LINGO2: variants seen among roughly 807,000 people sequenced by gnomAD.
LINGO2 encodes leucine-rich repeat and immunoglobulin-like domain-containing nogo receptor-interacting protein 2.
In LINGO2, 14 loss-of-function variants were observed where a neutral mutation model predicts 30.6. The ratio of observed to expected loss-of-function variants is 0.46; its 90% confidence interval spans 0.30 to 0.72. LINGO2 has a LOEUF of 0.72. Ranked by LOEUF, LINGO2 falls within the 30% of genes least tolerant of loss-of-function variation. The pLI, the probability that LINGO2 is intolerant of heterozygous loss-of-function variation, is 0.07. For missense variants in LINGO2, 729 were observed against 751.7 expected (o/e 0.97, Z 0.35); for synonymous variants, 317 against 288.5 (o/e 1.10, Z -1.00).
the LINGO2 span, among the ~76,000 whole-genome samples, chr9:28,797,716 G>T: frequency 0.029 from 4,378 of 152,084 alleles, 188 homozygotes; most frequent in African/African-American, 0.099. Context: ...ATATGCATTT[G>T]GAGCTTAGGT....
intron 3 of LINGO2, among the ~76,000 whole-genome samples, chr9:28,370,496 G>A (rs1278232127): frequency 6.6e-6 from 1 of 151,994 alleles, no homozygotes; most frequent in African/African-American, 2.4e-5. Context: ...TTATTGATAA[G>A]GTTTAGAATA....
intron 4 of LINGO2, among the ~76,000 whole-genome samples, chr9:28,046,215 C>T (rs1198010): frequency 0.98 from 149,459 of 152,334 alleles, 73,375 homozygotes; most frequent in South Asian, 1. Flanking sequence ...ATTGATATTG[C>T]ATTGAATGCT....
At chr9:28,749,595 T>C in the LINGO2 span, among the ~76,000 whole-genome samples, 1 of 151,150 alleles carries the variant, frequency 6.6e-6, no homozygotes, top group Non-Finnish European at 1.5e-5. Flanking sequence ...TTAATCAGCA[T>C]TTATAAAAAA....
At chr9:28,969,509 G>A in the LINGO2 span, among the ~76,000 whole-genome samples, 1 of 152,162 alleles carries the variant, frequency 6.6e-6, no homozygotes, top group Admixed American at 6.5e-5. Context: ...AGATGTTTTT[G>A]AGCTGGTTTG....
At chr9:28,508,866 A>C (rs1228566153) in intron 1 of LINGO2, among the ~76,000 whole-genome samples, 1 of 152,040 alleles carries the variant, frequency 6.6e-6, no homozygotes, top group African/African-American at 2.4e-5. Flanking sequence ...TTAGTTTCTT[A>C]CCTTACTTGA....
chr9:28,743,158 CCAT>C, the LINGO2 span, among the ~76,000 whole-genome samples: 1 of 151,878 alleles, frequency 6.6e-6, no homozygotes, highest in Non-Finnish European at 1.5e-5. Context: ...TCTTCATTCA[CCAT>C]CATTTTTATT....
intron 4 of LINGO2, among the ~76,000 whole-genome samples, chr9:28,277,846 A>AT (rs1470524952): frequency 6.8e-6 from 1 of 146,408 alleles, no homozygotes; most frequent in African/African-American, 2.6e-5. Flanking sequence ...ACAAAAAAAA[A>AT]AAACAAAAAA....
intron 2 of LINGO2, among the ~76,000 whole-genome samples, chr9:28,403,640 A>C (rs1822365835): frequency 8.2e-6 from 1 of 121,926 alleles, no homozygotes; most frequent in Admixed American, 9.6e-5. Flanking sequence ...AATTATGACA[A>C]TGCCACCCCT....
chr9:28,967,529 T>G, the LINGO2 span, among the ~76,000 whole-genome samples: 1 of 152,094 alleles, frequency 6.6e-6, no homozygotes, highest in Non-Finnish European at 1.5e-5. Context: ...CACCTTTTCT[T>G]TTAGAGAGAG....
chr9:29,141,770 A>C, the LINGO2 span, among the ~76,000 whole-genome samples: 1 of 151,874 alleles, frequency 6.6e-6, no homozygotes, highest in Non-Finnish European at 1.5e-5. Flanking sequence ...ATCAGACAAA[A>C]TAGATTTGAG....
intron 3 of LINGO2, among the ~76,000 whole-genome samples, chr9:28,369,677 G>A (rs1186882319): frequency 6.6e-6 from 1 of 152,194 alleles, no homozygotes; most frequent in Non-Finnish European, 1.5e-5. Context: ...GAAGAAAGGA[G>A]AGTGAGATAC....
chr9:28,019,169 G>A (rs576860761), intron 4 of LINGO2, among the ~76,000 whole-genome samples: 18 of 151,912 alleles, frequency 1.2e-4, no homozygotes, highest in Non-Finnish European at 2.6e-4. Flanking sequence ...TACCTATTGG[G>A]TACTATGCTT....
At chr9:28,144,772 C>T (rs1053265833) in intron 4 of LINGO2, among the ~76,000 whole-genome samples, 1 of 151,996 alleles carries the variant, frequency 6.6e-6, no homozygotes, top group Non-Finnish European at 1.5e-5. Context: ...GTTTGGTAAA[C>T]CAAAATAACA....
At chr9:28,889,439 T>G in the LINGO2 span, among the ~76,000 whole-genome samples, 391 of 4,410 alleles carry the variant, frequency 0.089, 2 homozygotes, top group African/African-American at 0.16. Flanking sequence ...TTGCTTCAGT[T>G]TTTTTTTTAA....
At chr9:28,437,609 A>G (rs73644041) in intron 2 of LINGO2, among the ~76,000 whole-genome samples, 1 of 151,740 alleles carries the variant, frequency 6.6e-6, no homozygotes, top group Non-Finnish European at 1.5e-5. Context: ...ACACACATAC[A>G]GATCACTTCT....
chr9:27,938,654 A>T, the LINGO2 span: 1 of 152,184 alleles, frequency 6.6e-6, no homozygotes, highest in African/African-American at 2.4e-5. Context: ...ACTAAGGCCT[A>T]TCTCTAAACC....
At position 28,052,597 on chromosome 9, in the gene LINGO2, C is replaced by T. The variant is rs189407250; in HGVS notation, c.-86-40192G>A. On this transcript the variant is annotated intron_variant, in intron 4 of 5. Coordinates refer to ENST00000379992, the Ensembl canonical transcript of LINGO2. ...AGCAGAAACACCTGGTTTCATGGTA[C>T]GCATCTCTCATATAAACTTATGTCA... is the stretch of plus-strand genomic sequence containing the variant. Among the ~76,000 whole-genome samples the T allele has an allele frequency of 2.6e-3, 395 of 152,170 alleles. 1 individual carries two copies. The highest frequency in any genetic ancestry group is 8.0e-3 in the African/African-American group (333 of 41,540).
the LINGO2 span, among the ~76,000 whole-genome samples, chr9:29,142,857 A>G: frequency 5.3e-5 from 8 of 151,984 alleles, no homozygotes; most frequent in Non-Finnish European, 1.0e-4. Context: ...AATAAGTAAA[A>G]GTGTCTCTGT....
the LINGO2 span, among the ~76,000 whole-genome samples, chr9:28,943,662 G>A: frequency 2.0e-5 from 3 of 151,246 alleles, no homozygotes; most frequent in Non-Finnish European, 2.9e-5. Context: ...TGAAAGGTAA[G>A]TGCTGTAGCA....
Sources: allele counts gnomAD v4.1 joint callset (sites outside exome capture counted in the v4.1 genomes callset), GRCh38; gene constraint gnomAD v4.1.1; transcripts MANE v1.5; gene names NCBI Gene and HGNC (gene_info 2026-07-23, HGNC 2026-07-21).